TBC1D4: variants seen among roughly 807,000 people sequenced by gnomAD.
TBC1D4 encodes the protein TBC (Tre-2, BUB2, CDC16) domain-containing protein.
TBC1D4 carries 121 observed loss-of-function variants against 142.5 expected under a neutral mutation model. The ratio of observed to expected loss-of-function variants is 0.85; its 90% CI spans 0.73 to 0.99. TBC1D4 has a LOEUF of 0.99. Among genes scored for constraint, TBC1D4 ranks in the 50% least tolerant of loss-of-function variants. The probability of loss-of-function intolerance (pLI) is 0.00; values close to 1 mark genes in which losing one functional copy is unlikely to be tolerated. For missense variants in TBC1D4, 1,475 were observed against 1,606.6 expected (o/e 0.92, Z 1.40); for synonymous variants, 630 against 628.2 (o/e 1.00, Z -0.04).
intron 1 of TBC1D4, among the ~76,000 whole-genome samples, chr13:75,384,107 AT>A (rs1372059778): frequency 2.6e-5 from 4 of 151,950 alleles, no homozygotes; most frequent in Non-Finnish European, 5.9e-5. Context: ...AAAAAAAATA[AT>A]AATAATAATG....
intron 1 of TBC1D4, among the ~76,000 whole-genome samples, chr13:75,370,233 G>C (rs527801084): frequency 2.0e-5 from 3 of 152,178 alleles, no homozygotes; most frequent in Non-Finnish European, 4.4e-5. Flanking sequence ...GTGAGCACGC[G>C]ATTATGGGGG....
At chr13:75,439,026 G>C (rs1428844160) in intron 1 of TBC1D4, among the ~76,000 whole-genome samples, 2 of 152,206 alleles carry the variant, frequency 1.3e-5, no homozygotes, top group Non-Finnish European at 2.9e-5. Context: ...AAAGAGCTTA[G>C]CTTCTCCAGC....
chr13:75,309,717 C>A (rs948502415), intron 14 of TBC1D4, among the ~76,000 whole-genome samples: 1 of 152,110 alleles, frequency 6.6e-6, no homozygotes, highest in Admixed American at 6.5e-5. Flanking sequence ...ATTTAAAATG[C>A]AAACCCATTT....
chr13:75,341,062 G>A, intron 7 of TBC1D4, 63 bp downstream of exon 7: 1 of 1,468,756 alleles, frequency 6.8e-7, no homozygotes, highest in Non-Finnish European at 9.5e-7. Flanking sequence ...GAGTACAAAG[G>A]GAAGAATTAA....
chr13:75,327,255 T>A (rs143027655), intron 9 of TBC1D4, among the ~76,000 whole-genome samples: 2,027 of 152,270 alleles, frequency 0.013, 27 homozygotes, highest in Non-Finnish European at 0.02. Flanking sequence ...AATATTTTAA[T>A]ATATTTCCAT....
At chr13:75,457,389 C>A (rs1209548278) in intron 1 of TBC1D4, among the ~76,000 whole-genome samples, 1 of 152,192 alleles carries the variant, frequency 6.6e-6, no homozygotes, top group African/African-American at 2.4e-5. Flanking sequence ...GACCTCTCCA[C>A]TCATTAGACA....
At chr13:75,437,250 G>A (rs988363176) in intron 1 of TBC1D4, among the ~76,000 whole-genome samples, 2 of 152,178 alleles carry the variant, frequency 1.3e-5, no homozygotes, top group African/African-American at 4.8e-5. Flanking sequence ...TGGTAGCACG[G>A]TGGTTATCTA....
intron 1 of TBC1D4, among the ~76,000 whole-genome samples, chr13:75,364,839 TAC>T (rs1311048885): frequency 1.3e-5 from 2 of 152,246 alleles, no homozygotes; most frequent in African/African-American, 4.8e-5. Flanking sequence ...AAAGTGTCTC[TAC>T]AGAGTACGGA....
intron 1 of TBC1D4, among the ~76,000 whole-genome samples, chr13:75,427,080 C>A (rs565017232): frequency 6.6e-4 from 100 of 151,138 alleles, no homozygotes; most frequent in Non-Finnish European, 1.2e-3. Context: ...TGAATACCTT[C>A]AAAATATAAA....
At chr13:75,373,824 G>A (rs1013019541) in intron 1 of TBC1D4, among the ~76,000 whole-genome samples, 11 of 152,170 alleles carry the variant, frequency 7.2e-5, no homozygotes, top group African/African-American at 2.2e-4. Context: ...TGAAAGGTAT[G>A]CTTCTTTGTT....
In TBC1D4 at chr13:75,362,480, T is replaced by G; in HGVS notation, c.626A>C (p.Lys209Thr). 1 of 1,614,224 alleles carries G rather than the reference T, an allele frequency of 6.2e-7. No homozygotes were observed. The highest frequency in any genetic ancestry group is 8.5e-7 in the Non-Finnish European group (1 of 1,180,036). ...SQKFEVLYCG[K>T]VTVTHKKAPS... Reference sequence around the variant, plus strand: ...GGCCTTCTTGTGGGTCACGGTCACCTTTCCACAGTACAGGACTTCGAACTT... The same window carrying G: ...GGCCTTCTTGTGGGTCACGGTCACCGTTCCACAGTACAGGACTTCGAACTT... Residue 209 changes from lysine to threonine, a missense_variant, in exon 2 of 21, where the codon AAG becomes ACG. By Grantham distance (78) the Lys-to-Thr change is moderately conservative. Around this residue, in one of 2 missense-constraint regions of TBC1D4, gnomAD observed 1,227 missense variants for 1,267.7 expected, o/e 0.97. Transcript: ENST00000377636. The surrounding 1 kb of genome is among the most constrained non-coding windows in gnomAD (Gnocchi z 4.2).
At chr13:75,370,607 C>T (rs1322517223) in intron 1 of TBC1D4, among the ~76,000 whole-genome samples, 3 of 152,204 alleles carry the variant, frequency 2.0e-5, no homozygotes, top group Non-Finnish European at 1.5e-5. Flanking sequence ...GATGACATCA[C>T]GGTTTAGGGC....
chr13:75,433,240 C>T (rs947143847), intron 1 of TBC1D4, among the ~76,000 whole-genome samples: 13 of 152,200 alleles, frequency 8.5e-5, no homozygotes, highest in Non-Finnish European at 1.9e-4. Flanking sequence ...TATTCTCTCA[C>T]ACATGGTGGA....
intron 1 of TBC1D4, among the ~76,000 whole-genome samples, chr13:75,416,563 A>G (rs1342217059): frequency 1.3e-5 from 2 of 152,194 alleles, no homozygotes; most frequent in Non-Finnish European, 2.9e-5. Flanking sequence ...AGGCATACGG[A>G]AAGAGCAACA....
At chr13:75,391,685 AT>A (rs977981637) in intron 1 of TBC1D4, among the ~76,000 whole-genome samples, 34 of 151,784 alleles carry the variant, frequency 2.2e-4, no homozygotes, top group African/African-American at 8.0e-4. Flanking sequence ...CCTCTTTTCT[AT>A]TTACACTTGC....
At chr13:75,354,087 A>G (rs971434547) in intron 4 of TBC1D4, among the ~76,000 whole-genome samples, 8 of 152,222 alleles carry the variant, frequency 5.3e-5, no homozygotes, top group African/African-American at 1.9e-4. Flanking sequence ...CCATCGAAGC[A>G]GTCTTTGTGG....
intron 1 of TBC1D4, among the ~76,000 whole-genome samples, chr13:75,410,935 C>CAAAAAAAAAAAAA (rs60172018): frequency 1.6e-5 from 1 of 63,210 alleles, no homozygotes; most frequent in African/African-American, 6.6e-5. Context: ...GACTCCGTCT[C>CAAAAAAAAAAAAA]AAAAAAAAAA....
At position 75,349,237 on chromosome 13, in the gene TBC1D4, C is replaced by A. The variant is rs748736479; in HGVS notation, c.1341G>T (p.Lys447Asn). The change falls in exon 5 of 21, where the codon AAG becomes AAT. Residue 447 changes from lysine (K) to asparagine (N), a missense_variant. Physicochemically the swap from Lys to Asn is moderately conservative, Grantham distance 94. This residue lies in a region of TBC1D4 where 1,227 missense variants were observed against 1,267.7 expected (regional missense o/e 0.97). Coordinates refer to ENST00000377636, the MANE Select transcript of TBC1D4 (RefSeq NM_014832.5). ...AGGCCTCACACAGTTTAATCTGCGT[C>A]TTGGCACTCTGCAGGGCAGCCGCCG... ...FSTAAALQSA[K>N]TQIKLCEACP... 1.2e-6 allele frequency: 2 copies of A among 1,614,014 alleles called. No homozygotes were observed. The highest frequency in any genetic ancestry group is 2.2e-5 in the South Asian group (2 of 91,076).
At chr13:75,472,740 G>A (rs894658609) in intron 1 of TBC1D4, among the ~76,000 whole-genome samples, 1 of 152,184 alleles carries the variant, frequency 6.6e-6, no homozygotes, top group Non-Finnish European at 1.5e-5. Flanking sequence ...GGTCTTCAAA[G>A]GGAGCAGCAG....
Sources: allele counts gnomAD v4.1 joint callset (sites outside exome capture counted in the v4.1 genomes callset), GRCh38; gene constraint gnomAD v4.1.1; regional missense constraint gnomAD v4.1.1; non-coding constraint Gnocchi (gnomAD v3.1); transcripts MANE v1.5; gene names NCBI Gene and HGNC (gene_info 2026-07-23, HGNC 2026-07-21).